Variants in TMEM182 observed in about 807,000 individuals in gnomAD.
TMEM182 encodes transmembrane protein 182.
TMEM182 carries 20 observed loss-of-function variants against 26.8 expected under a neutral mutation model. The observed-to-expected ratio is 0.75, with a 90% CI of 0.53 to 1.09. TMEM182 has a LOEUF of 1.09. Ranked by LOEUF, TMEM182 falls within the 50% of genes least tolerant of loss-of-function variation. TMEM182 has a pLI of 0.00. For synonymous variants in TMEM182, 109 were observed against 102.2 expected (o/e 1.07, Z -0.40); for missense variants, 277 against 275.5 (o/e 1.01, Z -0.04).
intron 4 of TMEM182, among the ~76,000 whole-genome samples, chr2:102,805,520 A>G (rs967802854): frequency 6.6e-6 from 1 of 152,036 alleles, no homozygotes; most frequent in African/African-American, 2.4e-5. Context: ...ATAAATCACC[A>G]TCTCAGGAAT....
At chr2:102,769,737 A>G (rs1312443264) in intron 3 of TMEM182, among the ~76,000 whole-genome samples, 2 of 152,228 alleles carry the variant, frequency 1.3e-5, no homozygotes, top group African/African-American at 4.8e-5. Flanking sequence ...AAATATAGGA[A>G]TAAGTTTTCT....
chr2:102,798,017 G>A lies in TMEM182; in HGVS notation c.469+17G>A, dbSNP rs779455805. The A allele has an allele frequency of 1.0e-5, 16 of 1,587,150 alleles. No homozygotes were observed. Among genetic ancestry groups the A allele is most frequent in the Non-Finnish European group, 1.3e-5 (15 of 1,171,160 alleles). On this transcript the variant is annotated intron_variant, in intron 4 of 4. Transcript: ENST00000412401. ...TTGCTGCAGGTACGTACGGTGCAAT[G>A]GGTATGACTTTCAGCCACGGTTTTT...
intron 1 of TMEM182, among the ~76,000 whole-genome samples, chr2:102,753,153 T>A (rs943619733): frequency 5.3e-5 from 8 of 152,022 alleles, no homozygotes; most frequent in Non-Finnish European, 8.8e-5. Context: ...TGTGTGCTTA[T>A]TGCATTTGAA....
intron 3 of TMEM182, among the ~76,000 whole-genome samples, chr2:102,828,481 A>T (rs1225298176): frequency 6.6e-6 from 1 of 152,230 alleles, no homozygotes; most frequent in Non-Finnish European, 1.5e-5. Context: ...AGGTTGCCAC[A>T]TGATATCTTT....
chr2:102,819,609 T>C (rs369878637), downstream of TMEM182, among the ~76,000 whole-genome samples: 17 of 152,346 alleles, frequency 1.1e-4, no homozygotes, highest in African/African-American at 3.8e-4. Context: ...CATACACGCC[T>C]GCCTCTATAT....
At chr2:102,811,195 T>A (rs1346690486) in intron 4 of TMEM182, among the ~76,000 whole-genome samples, 1 of 152,124 alleles carries the variant, frequency 6.6e-6, no homozygotes, top group Non-Finnish European at 1.5e-5. Flanking sequence ...AGGCCTGTGA[T>A]TTTTGTAGAA....
At chr2:102,789,169 C>T (rs1019960046) in intron 3 of TMEM182, among the ~76,000 whole-genome samples, 1 of 152,304 alleles carries the variant, frequency 6.6e-6, no homozygotes. Context: ...CTTCACACTG[C>T]GTGTGCTTGA....
intron 1 of TMEM182, among the ~76,000 whole-genome samples, chr2:102,749,052 A>T (rs558646246): frequency 9.9e-5 from 15 of 152,208 alleles, no homozygotes; most frequent in Non-Finnish European, 1.3e-4. Flanking sequence ...AAAGAGATAA[A>T]TTTAGTACCC....
chr2:102,764,188 A>G (rs1278573856), intron 2 of TMEM182, 141 bp from the exon 3 acceptor site: 26 of 772,600 alleles, frequency 3.4e-5, no homozygotes, highest in East Asian at 2.7e-5. Context: ...CCTCCTCACA[A>G]CAATTCGCTG....
intron 3 of TMEM182, among the ~76,000 whole-genome samples, chr2:102,835,943 C>T (rs991772209): frequency 6.8e-6 from 1 of 147,638 alleles, no homozygotes. Flanking sequence ...TGAGAACATG[C>T]GGTGTTTGGT....
intron 3 of TMEM182, among the ~76,000 whole-genome samples, chr2:102,793,528 G>A (rs980691564): frequency 7.2e-5 from 11 of 152,022 alleles, no homozygotes; most frequent in East Asian, 1.9e-4. Flanking sequence ...ATTGTTTCCC[G>A]GACCCATCCC....
chr2:102,837,131 T>C (rs561627598), intron 3 of TMEM182, among the ~76,000 whole-genome samples: 2 of 152,312 alleles, frequency 1.3e-5, no homozygotes, highest in South Asian at 4.1e-4. Flanking sequence ...TACCCTGTGG[T>C]GTTTCTAATT....
intron 3 of TMEM182, among the ~76,000 whole-genome samples, chr2:102,838,162 G>A (rs1683282049): frequency 6.6e-6 from 1 of 152,164 alleles, no homozygotes; most frequent in South Asian, 2.1e-4. Flanking sequence ...AGTAGGTTTT[G>A]TAAGTCTTCA....
chr2:102,817,650 A>G lies in TMEM182; in HGVS notation c.*2682A>G, dbSNP rs1682801086. 2.0e-6 allele frequency: 2 copies of G among 979,290 alleles called. No homozygotes were observed. Among genetic ancestry groups the G allele is most frequent in the South Asian group, 9.4e-5 (2 of 21,168 alleles). The allele number at this position is 979,290 out of a possible 1,614,324, so 60.7% of individuals were successfully genotyped here. ...TATATTTATTAAATTTGAAGATTAA[A>G]TGGAATTATAAAGGAATATATTGGA... On this transcript the variant is annotated 3_prime_UTR_variant, in exon 5 of 5. Transcript: ENST00000412401.
intron 4 of TMEM182, among the ~76,000 whole-genome samples, chr2:102,804,944 A>C (rs1352841249): frequency 3.3e-5 from 5 of 152,182 alleles, no homozygotes; most frequent in African/African-American, 9.6e-5. Context: ...CCATTGTCAC[A>C]GTTGGGATTT....
intron 3 of TMEM182, among the ~76,000 whole-genome samples, chr2:102,828,109 A>T (rs552054496): frequency 6.6e-6 from 1 of 152,232 alleles, no homozygotes; most frequent in South Asian, 2.1e-4. Context: ...ATATATAAAT[A>T]AATAAAAAGT....
At position 102,762,596 on chromosome 2, in the gene TMEM182, G is replaced by A. The variant is rs370445639; in HGVS notation, c.142G>A (p.Val48Ile). The change falls in exon 2 of 5, where the codon GTC (valine) becomes ATC (isoleucine). Residue 48 changes from valine to isoleucine, a missense_variant. By Grantham distance (29) the Val-to-Ile change is conservative. Transcript: ENST00000412401. ...RCSGEKNIEN[V>I]TFHHEGFFWR... Reference sequence around the variant, plus strand: ...ATTTTGTTCTGTGCAGATAGAGAACGTCACTTTTCACCATGAAGGGTTCTT... The same window carrying A: ...ATTTTGTTCTGTGCAGATAGAGAACATCACTTTTCACCATGAAGGGTTCTT... 338 of 1,613,582 alleles carry A rather than the reference G, an allele frequency of 2.1e-4. 6 individuals are homozygous for A. In the South Asian group the frequency reaches 2.9e-3, roughly 14 times the overall value.
intron 3 of TMEM182, among the ~76,000 whole-genome samples, chr2:102,783,213 C>A (rs1347467391): frequency 2.0e-5 from 3 of 152,200 alleles, no homozygotes; most frequent in African/African-American, 7.2e-5. Context: ...AAACCATATA[C>A]AGAGTAGCTA....
intron 4 of TMEM182, among the ~76,000 whole-genome samples, chr2:102,804,298 A>T (rs1682265511): frequency 6.6e-6 from 1 of 152,068 alleles, no homozygotes; most frequent in African/African-American, 2.4e-5. Context: ...GTAGTCTTTT[A>T]TCCCTTGCCC....
Sources: gnomAD v4.1 joint callset for allele counts (sites outside exome capture counted in the v4.1 genomes callset) on GRCh38, gnomAD v4.1.1 for gene constraint, MANE v1.5 for transcripts, NCBI Gene and HGNC (gene_info 2026-07-23, HGNC 2026-07-21) for gene names.